RASGEF1C: variants seen among roughly 807,000 people sequenced by gnomAD.
RASGEF1C encodes ras-GEF domain-containing family member 1C.
Under a neutral mutation model 58.1 loss-of-function variants are expected in RASGEF1C, and 27 were observed. The observed-to-expected ratio is 0.46, with a 90% CI of 0.34 to 0.64. The LOEUF is 0.64. Among genes scored for constraint, RASGEF1C ranks in the 30% least tolerant of loss-of-function variants. RASGEF1C has a pLI of 0.01. For synonymous variants in RASGEF1C, 243 were observed against 246.3 expected (o/e 0.99, Z 0.13); for missense variants, 502 against 605.1 (o/e 0.83, Z 1.79).
intron 1 of RASGEF1C, among the ~76,000 whole-genome samples, chr5:180,176,958 C>T (rs910978579): frequency 6.6e-6 from 1 of 152,196 alleles, no homozygotes; most frequent in Non-Finnish European, 1.5e-5. Flanking sequence ...GTGGTCAGTC[C>T]TGCCCATGTC....
At position 180,175,860 on chromosome 5, in the gene RASGEF1C, C is replaced by T. The variant is rs982941454; in HGVS notation, c.-7+33168G>A. Among the ~76,000 whole-genome samples, 23 of 152,146 alleles carry T rather than the reference C, an allele frequency of 1.5e-4. No individual in the cohort carries two copies. In the East Asian group the frequency reaches 1.7e-3, roughly 12 times the overall value. On this transcript the variant is annotated intron_variant, in intron 1 of 13. Transcript: ENST00000361132. ...AAAATTAGCCGGGCGCAGTGGCGGG[C>T]GCCTGTAGTCCCAGCTACTCGGGAG...
chr5:180,191,912 A>G (rs1462002703), intron 1 of RASGEF1C, among the ~76,000 whole-genome samples: 1 of 152,144 alleles, frequency 6.6e-6, no homozygotes, highest in African/African-American at 2.4e-5. Context: ...TAGCCTGGGC[A>G]TCCTCTTCCA....
intron 12 of RASGEF1C, among the ~76,000 whole-genome samples, chr5:180,104,455 C>T (rs1765843667): frequency 1.3e-5 from 2 of 152,178 alleles, no homozygotes; most frequent in African/African-American, 4.8e-5. Flanking sequence ...TCACCAGACA[C>T]AGAATCTGCC....
chr5:180,157,631 A>AG (rs1561746111), intron 1 of RASGEF1C, among the ~76,000 whole-genome samples: 1 of 151,808 alleles, frequency 6.6e-6, no homozygotes, highest in Admixed American at 6.6e-5. Flanking sequence ...CCGTCTCAAA[A>AG]AAAAAAAAAC....
chr5:180,158,419 T>A lies in RASGEF1C; in HGVS notation c.-6-20361A>T, dbSNP rs1322308898. Among the ~76,000 whole-genome samples, 1 of 152,240 alleles carries A rather than the reference T, an allele frequency of 6.6e-6. No individual in the cohort carries two copies. The highest frequency in any genetic ancestry group is 1.5e-5 in the Non-Finnish European group (1 of 68,040). On this transcript the variant is annotated intron_variant, in intron 1 of 13. Transcript: ENST00000361132. This position sits in a 1 kb window ranked among gnomAD's most constrained non-coding sequence, Gnocchi z 4.0. ...GCTTAGGAAGTAAATGTTTAAGATC[T>A]CACATGCCTGTAAACGTTCTCATTT...
chr5:180,202,765 C>T (rs1756417019), intron 1 of RASGEF1C, among the ~76,000 whole-genome samples: 1 of 150,730 alleles, frequency 6.6e-6, no homozygotes, highest in Non-Finnish European at 1.5e-5. Flanking sequence ...TGCAGTGGCA[C>T]AATCTCGGCT....
chr5:180,166,688 G>A (rs1767024787), intron 1 of RASGEF1C, among the ~76,000 whole-genome samples: 1 of 151,892 alleles, frequency 6.6e-6, no homozygotes, highest in South Asian at 2.1e-4. Context: ...GCTAATTTTT[G>A]TAGTTTTAGT....
chr5:180,120,370 T>C (rs1766147249), intron 7 of RASGEF1C, among the ~76,000 whole-genome samples: 1 of 152,136 alleles, frequency 6.6e-6, no homozygotes, highest in African/African-American at 2.4e-5. Flanking sequence ...TCTCTACTCT[T>C]CTCCGCAGGT....
rs138202063 is a variant in RASGEF1C, at chr5:180,118,790, G to A, written c.984C>T (p.Leu328=). ...GCAGCCCAGCAGCCTCATTTACCTCGAGGATGAAAAACTTGGCCGTCCTCA... is the reference window on the plus strand; with the variant it reads ...GCAGCCCAGCAGCCTCATTTACCTCAAGGATGAAAAACTTGGCCGTCCTCA... The part of the protein sequence containing the change: ...AKVRTAKFFI[L]EHQMDPTGNF... The change falls in exon 9 of 14, where the codon CTC becomes CTT. Residue 328 remains leucine, a synonymous_variant. Transcript: ENST00000361132. The A allele has an allele frequency of 7.4e-5, 119 of 1,614,202 alleles. No individual in the cohort carries two copies. The highest frequency in any genetic ancestry group is 1.6e-4 in the Middle Eastern group (1 of 6,062).
intron 1 of RASGEF1C, among the ~76,000 whole-genome samples, chr5:180,172,719 G>C (rs1207244352): frequency 6.6e-6 from 1 of 152,114 alleles, no homozygotes; most frequent in African/African-American, 2.4e-5. Context: ...GGGGAGGCCA[G>C]GCCACCTCTG....
intron 1 of RASGEF1C, among the ~76,000 whole-genome samples, chr5:180,170,080 G>A (rs1251953837): frequency 6.6e-6 from 1 of 152,222 alleles, no homozygotes. Flanking sequence ...CAGGGACTGG[G>A]AGCTCCACTG....
At chr5:180,207,476 G>A (rs1756508468) in intron 1 of RASGEF1C, among the ~76,000 whole-genome samples, 1 of 152,216 alleles carries the variant, frequency 6.6e-6, no homozygotes, top group South Asian at 2.1e-4. Context: ...AGTGAGAGCT[G>A]GAACCACCTC....
chr5:180,182,226 AAAAAAG>A (rs1581124218), intron 1 of RASGEF1C, among the ~76,000 whole-genome samples: 1 of 148,732 alleles, frequency 6.7e-6, no homozygotes, highest in Non-Finnish European at 1.5e-5. Flanking sequence ...AAAAAAAAAA[AAAAAAG>A]AATGAAGCCA....
In RASGEF1C at chr5:180,155,985, A is replaced by G. The variant is rs1766842619; in HGVS notation, c.-6-17927T>C. ...AAAGCCTGGGCTTTGCTTCGAGACA[A>G]TTACTATTATTATTATTACAGCATG... On this transcript the variant is annotated intron_variant, in intron 1 of 13. Transcript: ENST00000361132. This position sits in a 1 kb window ranked among gnomAD's most constrained non-coding sequence, Gnocchi z 5.2. Among the ~76,000 whole-genome samples the G allele has an allele frequency of 6.6e-6, 1 of 152,048 alleles. No homozygotes were observed. Among genetic ancestry groups the G allele is most frequent in the African/African-American group, 2.4e-5 (1 of 41,388 alleles).
chr5:180,182,477 T>C (rs996575848), intron 1 of RASGEF1C, among the ~76,000 whole-genome samples: 9 of 152,200 alleles, frequency 5.9e-5, no homozygotes, highest in African/African-American at 2.2e-4. Flanking sequence ...AGGTTGCCGC[T>C]GTTGGCTGGG....
intron 1 of RASGEF1C, among the ~76,000 whole-genome samples, chr5:180,154,251 C>A (rs895691397): frequency 2.3e-3 from 352 of 152,206 alleles, no homozygotes; most frequent in African/African-American, 7.8e-3. Flanking sequence ...CTTGGGACTA[C>A]CTCTGCTGGC....
Position 180,198,323 on chromosome 5 carries a change from G to A in RASGEF1C, c.-7+10705C>T, listed in dbSNP as rs1433466542. 1.3e-5 allele frequency among the ~76,000 whole-genome samples: 2 copies of A among 152,226 alleles called. No homozygotes were observed. Among genetic ancestry groups the A allele is most frequent in the African/African-American group, 2.4e-5 (1 of 41,458 alleles). On this transcript the variant is annotated intron_variant, in intron 1 of 13. Coordinates refer to ENST00000361132, the MANE Select transcript of RASGEF1C (RefSeq NM_175062.4). The surrounding 1 kb of genome is among the most constrained non-coding windows in gnomAD (Gnocchi z 4.5). ...GGAAGAAAGTGAAGGCATACTGGAC[G>A]CCTGCCTTGGCCAGCTCTGGCGTTG...
intron 1 of RASGEF1C, among the ~76,000 whole-genome samples, chr5:180,169,726 CT>C (rs1273116372): frequency 3.9e-5 from 6 of 152,068 alleles, no homozygotes; most frequent in African/African-American, 1.4e-4. Flanking sequence ...CCCTCATTGG[CT>C]ACGTCACACA....
intron 1 of RASGEF1C, among the ~76,000 whole-genome samples, chr5:180,139,675 C>T (rs573576626): frequency 6.6e-6 from 1 of 152,356 alleles, no homozygotes; most frequent in South Asian, 2.1e-4. Flanking sequence ...CGTAAAATTT[C>T]ACAAAATCAC....
Sources: gnomAD v4.1 joint callset for allele counts (sites outside exome capture counted in the v4.1 genomes callset) on GRCh38, gnomAD v4.1.1 for gene constraint, Gnocchi (gnomAD v3.1) non-coding constraint, MANE v1.5 for transcripts, NCBI Gene and HGNC (gene_info 2026-07-23, HGNC 2026-07-21) for gene names.